PTPRD: variants seen among roughly 807,000 people sequenced by gnomAD.
PTPRD encodes the protein receptor-type tyrosine-protein phosphatase delta.
In PTPRD, 34 loss-of-function variants were observed where a neutral mutation model predicts 214.5. That is an observed-to-expected ratio of 0.16 (90% CI 0.12 to 0.21). The LOEUF (loss-of-function observed/expected upper bound fraction) is 0.21. Ranked by LOEUF, PTPRD falls within the 10% of genes least tolerant of loss-of-function variation. The pLI, the probability that PTPRD is intolerant of heterozygous loss-of-function variation, is 1.00. For synonymous variants in PTPRD, 1,128 were observed against 845.7 expected, an observed-to-expected ratio of 1.33 and a Z score of -5.79; for missense variants, 2,545 against 2,398.7, an observed-to-expected ratio of 1.06 and a Z score of -1.27.
intron 9 of PTPRD, among the ~76,000 whole-genome samples, chr9:9,274,877 A>G (rs1180712728): frequency 6.7e-6 from 1 of 148,400 alleles, no homozygotes; most frequent in African/African-American, 2.5e-5. Context: ...GAATGATTCT[A>G]CTCGTAAATA....
In PTPRD at chr9:9,127,424, G is replaced by T. The variant is rs563829411; in HGVS notation, c.-143+55880C>A. On this transcript the variant is annotated intron_variant, in intron 10 of 45. Transcript: ENST00000381196. ...GGACAGTGTAAGTATGAAGAGAAAT[G>T]AATTGATATAAAATATACTGGGAAG... Among the ~76,000 whole-genome samples the T allele has an allele frequency of 8.5e-5, 13 of 152,286 alleles. No individual in the cohort carries two copies. The South Asian group carries it at 2.7e-3, about 32-fold the overall frequency.
At chr9:8,711,186 A>G (rs1261234339) in intron 12 of PTPRD, among the ~76,000 whole-genome samples, 1 of 152,094 alleles carries the variant, frequency 6.6e-6, no homozygotes, top group Non-Finnish European at 1.5e-5. Flanking sequence ...AGATAATAAT[A>G]TATTTCATCA....
intron 12 of PTPRD, chr9:8,713,955 T>A: frequency 1.6e-6 from 1 of 632,692 alleles, no homozygotes; most frequent in Non-Finnish European, 2.8e-6. Context: ...TGAGAATTAG[T>A]GAGGCCTGAC....
At chr9:9,161,788 A>G (rs1442817652) in intron 10 of PTPRD, among the ~76,000 whole-genome samples, 1 of 152,078 alleles carries the variant, frequency 6.6e-6, no homozygotes, top group African/African-American at 2.4e-5. Context: ...CTATATTTTT[A>G]TCTCTAAATG....
At chr9:10,152,652 C>T (rs1020445382) in intron 3 of PTPRD, among the ~76,000 whole-genome samples, 8 of 152,042 alleles carry the variant, frequency 5.3e-5, no homozygotes, top group Non-Finnish European at 8.8e-5. Context: ...ATGGAGAAAC[C>T]TCACCTCTAC....
At position 9,198,408 on chromosome 9, in the gene PTPRD, G is replaced by GT. The variant is rs557441820; in HGVS notation, c.-202-15046dup. 2.5e-3 allele frequency among the ~76,000 whole-genome samples: 373 copies of GT among 149,480 alleles called. 1 individual carries two copies. Among genetic ancestry groups the GT allele is most frequent in the East Asian group, 0.013 (66 of 5,098 alleles). On this transcript the variant is annotated intron_variant, in intron 9 of 45. Transcript: ENST00000381196. Reference sequence around the variant, plus strand: ...AATTTTGTAGCCCTCTGTCAAATAGGTTTTTTTTTTCTTTTATTCATTTAC... The same window carrying GT: ...AATTTTGTAGCCCTCTGTCAAATAGGTTTTTTTTTTTCTTTTATTCATTTAC...
intron 15 of PTPRD, among the ~76,000 whole-genome samples, chr9:8,527,807 A>AGG (rs1353975431): frequency 6.6e-6 from 1 of 152,062 alleles, no homozygotes; most frequent in Admixed American, 6.6e-5. Context: ...GTAAAGAGAG[A>AGG]GAGAAAACAG....
intron 4 of PTPRD, among the ~76,000 whole-genome samples, chr9:9,957,302 A>G (rs2094005842): frequency 1.3e-5 from 2 of 152,154 alleles, no homozygotes; most frequent in African/African-American, 4.8e-5. Flanking sequence ...AAATCCTGTG[A>G]AACATTAATG....
intron 11 of PTPRD, among the ~76,000 whole-genome samples, chr9:8,755,859 G>A (rs2093953080): frequency 6.6e-6 from 1 of 152,146 alleles, no homozygotes; most frequent in Non-Finnish European, 1.5e-5. Context: ...CCAAAGCACT[G>A]AGACTCTAAA....
At chr9:8,343,337 G>T (rs780224553) in intron 39 of PTPRD, among the ~76,000 whole-genome samples, 3 of 151,986 alleles carry the variant, frequency 2.0e-5, no homozygotes, top group Non-Finnish European at 4.4e-5. Context: ...CTGATGCCAA[G>T]AATCCAATCC....
At chr9:8,582,469 C>A (rs1437822301) in intron 14 of PTPRD, among the ~76,000 whole-genome samples, 1 of 152,094 alleles carries the variant, frequency 6.6e-6, no homozygotes, top group South Asian at 2.1e-4. Flanking sequence ...GGTAGATAGG[C>A]TAGTCCCAGA....
intron 7 of PTPRD, among the ~76,000 whole-genome samples, chr9:9,624,277 T>TTG (rs1554723864): frequency 7.3e-5 from 11 of 151,540 alleles, no homozygotes; most frequent in African/African-American, 2.2e-4. Flanking sequence ...CTAGTTTTTT[T>TTG]TTTGTTTGTT....
At chr9:9,693,287 C>G (rs1470413867) in intron 7 of PTPRD, among the ~76,000 whole-genome samples, 2 of 151,988 alleles carry the variant, frequency 1.3e-5, no homozygotes. Context: ...TGAGAAGTGA[C>G]TGGGTTAGGG....
intron 11 of PTPRD, among the ~76,000 whole-genome samples, chr9:8,743,195 A>C (rs1347937836): frequency 2.0e-5 from 3 of 152,150 alleles, no homozygotes; most frequent in Admixed American, 2.0e-4. Flanking sequence ...ACATAAACTC[A>C]AAACAGATTT....
intron 11 of PTPRD, among the ~76,000 whole-genome samples, chr9:8,924,713 C>A (rs58161131): frequency 2.6e-5 from 4 of 152,052 alleles, no homozygotes; most frequent in Non-Finnish European, 5.9e-5. Context: ...GACTCTGCAG[C>A]GCTGTCTCAT....
rs1461608942 is a variant in PTPRD at position 8,376,652 on chromosome 9, A to C, written c.4461T>G (p.Thr1487=). 6.2e-7 allele frequency: 1 copy of C among 1,613,062 alleles called. No individual in the cohort carries two copies. Among genetic ancestry groups the C allele is most frequent in the Non-Finnish European group, 8.5e-7 (1 of 1,179,384 alleles). The part of the protein sequence containing the change: ...HGLVQVTLLD[T]VELATYCVRT... ...GAACACAATATGTGGCCAGCTCCAC[A>C]GTATCAAGCAGCGTTACTTGAACGA... The change falls in exon 38 of 46, where the codon ACT becomes ACG. Residue 1487 remains threonine (T), a synonymous_variant. Transcript: ENST00000381196.
intron 8 of PTPRD, among the ~76,000 whole-genome samples, chr9:9,492,713 T>G (rs943560960): frequency 6.6e-6 from 1 of 151,592 alleles, no homozygotes; most frequent in Non-Finnish European, 1.5e-5. Flanking sequence ...TTTATTGCAC[T>G]TCACAGATTT....
intron 5 of PTPRD, among the ~76,000 whole-genome samples, chr9:9,885,138 A>G (rs1037506520): frequency 6.6e-6 from 1 of 152,128 alleles, no homozygotes; most frequent in African/African-American, 2.4e-5. Flanking sequence ...TACCAGGCAG[A>G]GAGCTTAAGG....
intron 2 of PTPRD, among the ~76,000 whole-genome samples, chr9:10,569,375 A>C (rs978688694): frequency 1.3e-5 from 2 of 152,062 alleles, no homozygotes; most frequent in African/African-American, 4.8e-5. Context: ...CCCGGTTAAC[A>C]TATCTATTTC....
Sources: gnomAD v4.1 joint callset for allele counts (sites outside exome capture counted in the v4.1 genomes callset) on GRCh38, gnomAD v4.1.1 for gene constraint, MANE v1.5 for transcripts, NCBI Gene and HGNC (gene_info 2026-07-23, HGNC 2026-07-21) for gene names.